The following PIWIL1 variants were observed in gnomAD, a reference collection of about 807,000 sequenced individuals.
PIWIL1 encodes the protein piwi-like protein 1.
A neutral mutation model predicts 114.4 loss-of-function variants in PIWIL1; 73 were observed. The observed-to-expected ratio is 0.64, with a 90% CI of 0.53 to 0.78. PIWIL1 has a LOEUF of 0.78. Among genes scored for constraint, PIWIL1 ranks in the 30% least tolerant of loss-of-function variants. The pLI is 0.00. For synonymous variants in PIWIL1, 375 were observed against 369.0 expected (o/e 1.02, Z -0.19); for missense variants, 723 against 1,063.1 (o/e 0.68, Z 4.45).
At chr12:130,395,377 A>G in the PIWIL1 span, among the ~76,000 whole-genome samples, 1 of 152,164 alleles carries the variant, frequency 6.6e-6, no homozygotes, top group Non-Finnish European at 1.5e-5. Flanking sequence ...TGAGTAATTA[A>G]ATGTGACTTA....
At chr12:130,418,700 T>G in the PIWIL1 span, among the ~76,000 whole-genome samples, 1 of 152,178 alleles carries the variant, frequency 6.6e-6, no homozygotes, top group African/African-American at 2.4e-5. Flanking sequence ...TAGAGAGAGT[T>G]GGGTGTGGTC....
chr12:130,418,372 A>T, the PIWIL1 span, among the ~76,000 whole-genome samples: 1 of 152,208 alleles, frequency 6.6e-6, no homozygotes, highest in Admixed American at 6.5e-5. Context: ...GTTCAATAGA[A>T]TGTGAAGCGC....
chr12:130,414,121 G>A, the PIWIL1 span: 1,175 of 1,613,960 alleles, frequency 7.3e-4, 11 homozygotes, highest in African/African-American at 0.014. Context: ...CAGCCATCCC[G>A]CACCTTGATG....
rs752244660 is a variant in PIWIL1, at chr12:130,345,841, A to G, written c.279A>G (p.Thr93=). Residue 93 remains threonine, a synonymous_variant, in exon 4 of 21, where the codon ACA becomes ACG. Transcript: ENST00000245255. ...RRDFHDLGVN[T]RQNLDHVKES... ...ATTTTCATGATCTTGGTGTGAATAC[A>G]AGGCAGAACCTAGACCATGTTAAAG... is the stretch of plus-strand genomic sequence containing the variant. 27 of 1,613,912 alleles carry G rather than the reference A, an allele frequency of 1.7e-5. No individual in the cohort carries two copies. In the Admixed American group the frequency reaches 4.0e-4, roughly 24 times the overall value.
chr12:130,406,395 C>T, the PIWIL1 span: 1 of 593,230 alleles, frequency 1.7e-6, no homozygotes, highest in Admixed American at 3.4e-5. Flanking sequence ...TAATGAATGG[C>T]TCTGTCCACA....
At chr12:130,395,040 T>C in the PIWIL1 span, among the ~76,000 whole-genome samples, 11 of 152,022 alleles carry the variant, frequency 7.2e-5, no homozygotes, top group Admixed American at 3.3e-4. Context: ...CAGAGGCAAA[T>C]GGATGGTAAT....
At chr12:130,385,524 T>G in the PIWIL1 span, among the ~76,000 whole-genome samples, 3 of 152,196 alleles carry the variant, frequency 2.0e-5, no homozygotes, top group Non-Finnish European at 4.4e-5. Context: ...AAGTACTGCT[T>G]TAATATATGA....
chr12:130,346,837 A>G, intron 5 of PIWIL1, 104 bp from the exon 6 acceptor site: 1 of 1,426,878 alleles, frequency 7.0e-7, no homozygotes, highest in Non-Finnish European at 9.4e-7. Context: ...CAGTTAAAAC[A>G]TTTTATGGTT....
At chr12:130,355,146 C>A in intron 11 of PIWIL1, 141 bp downstream of exon 11, 1 of 684,848 alleles carries the variant, frequency 1.5e-6, no homozygotes, top group Non-Finnish European at 2.6e-6. Flanking sequence ...GCTTGTTCTT[C>A]GTGTTTCTAA....
intron 3 of PIWIL1, among the ~76,000 whole-genome samples, chr12:130,343,995 G>A (rs967864430): frequency 9.9e-5 from 15 of 152,270 alleles, no homozygotes; most frequent in Non-Finnish European, 2.2e-4. Flanking sequence ...ATCACTCTAG[G>A]AGCTGCATGG....
At chr12:130,345,487 C>CTTTTTTT in intron 3 of PIWIL1, 1 of 340,182 alleles carries the variant, frequency 2.9e-6, no homozygotes. Flanking sequence ...TTGGCTTGAT[C>CTTTTTTT]TCTTGATTCA....
At chr12:130,359,826 G>A (rs2073461055) in intron 14 of PIWIL1, among the ~76,000 whole-genome samples, 1 of 152,086 alleles carries the variant, frequency 6.6e-6, no homozygotes. Flanking sequence ...AGATGTAAGT[G>A]GTAAGGAAAA....
Position 130,361,141 on chromosome 12 carries a change from G to T in PIWIL1, c.1666-39G>T, listed in dbSNP as rs2136176478. ...TCCTCTCCCTTGCTCTTAATCATCT[G>T]TCTCCTAATTCTTTGTAACAAGGGC... On this transcript the variant is annotated intron_variant, in intron 14 of 20. Coordinates refer to ENST00000245255, the MANE Select transcript of PIWIL1 (RefSeq NM_004764.5). 1.9e-6 allele frequency: 3 copies of T among 1,592,732 alleles called. No individual in the cohort carries two copies. In the East Asian group the frequency reaches 6.7e-5, roughly 36 times the overall value.
At chr12:130,367,078 A>C in intron 18 of PIWIL1, 55 bp from the exon 19 acceptor site, 1 of 1,600,830 alleles carries the variant, frequency 6.2e-7, no homozygotes, top group Non-Finnish European at 8.5e-7. Flanking sequence ...TGAATGAATG[A>C]GTGCCCTGAA....
the PIWIL1 span, chr12:130,424,864 G>C: frequency 3.5e-5 from 43 of 1,230,794 alleles, no homozygotes; most frequent in Non-Finnish European, 3.5e-5. The surrounding 1 kb of genome is among the most constrained non-coding windows in gnomAD (Gnocchi z 9.8). Flanking sequence ...CAGTCCTTAC[G>C]GGGTGGTGTG....
At chr12:130,355,067 T>C (rs2073326909) in intron 11 of PIWIL1, 62 bp downstream of exon 11, 2 of 1,003,906 alleles carry the variant, frequency 2.0e-6, no homozygotes, top group Admixed American at 3.5e-5. Context: ...TATGTGGCTT[T>C]GAGGGGTATC....
the PIWIL1 span, chr12:130,424,628 G>A: frequency 1.6e-6 from 2 of 1,231,824 alleles, no homozygotes; most frequent in Non-Finnish European, 2.0e-6. The surrounding 1 kb of genome is among the most constrained non-coding windows in gnomAD (Gnocchi z 9.8). Flanking sequence ...GGAACCAGGA[G>A]CCCCGAGGGG....
intron 3 of PIWIL1, among the ~76,000 whole-genome samples, chr12:130,344,931 T>C (rs115915382): frequency 6.6e-6 from 1 of 152,236 alleles, no homozygotes; most frequent in Non-Finnish European, 1.5e-5. Context: ...ATAGAATTTA[T>C]TTAAAGAATG....
rs1358804808 is a variant in PIWIL1 at position 130,346,373 on chromosome 12, C to G, written c.320C>G (p.Ser107Cys). ...LDHVKESKTG[S>C]SGIIVRLSTN... is the part of the protein sequence containing the mutation. Reference sequence around the variant, plus strand: ...TGACTATAACTTCCTTTTCCAGGTTCTTCAGGCATTATAGTAAGGTTAAGC... The same window carrying G: ...TGACTATAACTTCCTTTTCCAGGTTGTTCAGGCATTATAGTAAGGTTAAGC... Residue 107 changes from serine to cysteine, a missense_variant, in exon 5 of 21, where the codon TCT becomes TGT. Coordinates refer to ENST00000245255, the MANE Select transcript of PIWIL1 (RefSeq NM_004764.5). 1.2e-6 allele frequency: 2 copies of G among 1,608,700 alleles called. No homozygotes were observed. Among genetic ancestry groups the G allele is most frequent in the African/African-American group, 2.7e-5 (2 of 74,768 alleles).
Sources: gnomAD v4.1 joint callset for allele counts (sites outside exome capture counted in the v4.1 genomes callset) on GRCh38, gnomAD v4.1.1 for gene constraint, Gnocchi (gnomAD v3.1) non-coding constraint, MANE v1.5 for transcripts, NCBI Gene and HGNC (gene_info 2026-07-23, HGNC 2026-07-21) for gene names.